The following BTBD9 variants were observed in gnomAD, a reference collection of about 807,000 sequenced individuals.
The protein encoded by BTBD9 is BTB/POZ domain-containing protein 9.
BTBD9 carries 49 observed loss-of-function variants against 64.3 expected under a neutral mutation model. The ratio of observed to expected loss-of-function variants is 0.76; its 90% CI spans 0.61 to 0.97. The LOEUF is 0.97. BTBD9 is among the 50% of genes least tolerant of loss of function. The probability of loss-of-function intolerance (pLI) is 0.00; values close to 1 mark genes in which losing one functional copy is unlikely to be tolerated. For synonymous variants in BTBD9, 260 were observed against 274.7 expected, an observed-to-expected ratio of 0.95 and a Z score of 0.53; for missense variants, 598 against 762.1, an observed-to-expected ratio of 0.78 and a Z score of 2.53.
rs370011866 is a variant in BTBD9 at position 38,213,404 on chromosome 6, T to C, written c.1563-20807A>G. On this transcript the variant is annotated intron_variant, in intron 9 of 10. Transcript: ENST00000481247. The stretch of plus-strand genomic sequence containing the variant: ...GAGTAAAAAAAAAAATGTTTTCCTA[T>C]GATGAAAACCATTGCCCTTAGCACA... Among the ~76,000 whole-genome samples the C allele has an allele frequency of 6.6e-5, 10 of 152,130 alleles. No homozygotes were observed. The East Asian group carries it at 1.5e-3, about 23-fold the overall frequency.
chr6:38,517,823 T>A (rs1442800543), intron 6 of BTBD9, among the ~76,000 whole-genome samples: 1 of 152,182 alleles, frequency 6.6e-6, no homozygotes, highest in Admixed American at 6.5e-5. Context: ...TCCATTTCTT[T>A]GCACCTTCCC....
intron 7 of BTBD9, among the ~76,000 whole-genome samples, chr6:38,337,910 G>A (rs1763956503): frequency 6.6e-6 from 1 of 152,162 alleles, no homozygotes; most frequent in African/African-American, 2.4e-5. Context: ...TAGGAGGAAG[G>A]AAAAAGACAT....
At chr6:38,518,882 T>C (rs1773157993) in intron 6 of BTBD9, among the ~76,000 whole-genome samples, 1 of 152,176 alleles carries the variant, frequency 6.6e-6, no homozygotes, top group South Asian at 2.1e-4. Flanking sequence ...CAAGAGCTTA[T>C]AATCCATTTT....
chr6:38,526,403 A>G (rs1357879045), intron 6 of BTBD9, among the ~76,000 whole-genome samples: 1 of 152,254 alleles, frequency 6.6e-6, no homozygotes, highest in African/African-American at 2.4e-5. Flanking sequence ...CTGCAGGGGC[A>G]GAGCCCTCAT....
chr6:38,508,793 C>T (rs183275585), intron 6 of BTBD9, among the ~76,000 whole-genome samples: 2 of 152,134 alleles, frequency 1.3e-5, no homozygotes, highest in African/African-American at 4.8e-5. Flanking sequence ...TTCTTGCAGT[C>T]CATACATGTT....
chr6:38,298,839 A>G (rs1762264079), intron 7 of BTBD9, among the ~76,000 whole-genome samples: 1 of 150,180 alleles, frequency 6.7e-6, no homozygotes, highest in Non-Finnish European at 1.5e-5. Flanking sequence ...GTTGCTGCAA[A>G]TGAAAGTATT....
chr6:38,566,568 T>C (rs1282307589), intron 6 of BTBD9, among the ~76,000 whole-genome samples: 1 of 152,224 alleles, frequency 6.6e-6, no homozygotes, highest in Non-Finnish European at 1.5e-5. Flanking sequence ...AATATGTTTA[T>C]ACAAAGAATG....
rs1428486267 is a variant in BTBD9 at position 38,465,743 on chromosome 6, ATATATATATATATGTATG to A, written c.1154+111839_1154+111856del. 1.5e-3 allele frequency among the ~76,000 whole-genome samples: 67 copies of A among 45,408 alleles called. 1 individual carries two copies. The highest frequency in any genetic ancestry group is 4.6e-3 in the African/African-American group (61 of 13,150). 29.8% of individuals were successfully genotyped at this position (45,408 alleles called of 152,430 possible). A position where few individuals can be genotyped will look rare whatever the true frequency, so the allele number is the denominator to read the frequency against. ...TATATATATATATATATATATATAT[ATATATATATATATGTATG>A]TATGTATGTATTTCAGTTATTTATT... On this transcript the variant is annotated intron_variant, in intron 6 of 10. Transcript: ENST00000481247.
At chr6:38,474,292 G>A (rs1399590681) in intron 6 of BTBD9, among the ~76,000 whole-genome samples, 5 of 152,140 alleles carry the variant, frequency 3.3e-5, no homozygotes, top group African/African-American at 9.7e-5. Flanking sequence ...GGGAGTTGAC[G>A]TGGGCGGATC....
intron 7 of BTBD9, among the ~76,000 whole-genome samples, chr6:38,333,085 T>C (rs1029082249): frequency 2.0e-5 from 3 of 152,306 alleles, no homozygotes; most frequent in Non-Finnish European, 2.9e-5. Context: ...TGGCTAGTGA[T>C]GGAGTAGAAA....
chr6:38,575,159 T>C (rs1775969504), intron 6 of BTBD9, among the ~76,000 whole-genome samples: 1 of 152,222 alleles, frequency 6.6e-6, no homozygotes, highest in Non-Finnish European at 1.5e-5. Context: ...CACTCATACA[T>C]GTATTAATGA....
intron 6 of BTBD9, among the ~76,000 whole-genome samples, chr6:38,353,254 A>G (rs756306349): frequency 1.3e-5 from 2 of 152,206 alleles, no homozygotes; most frequent in Non-Finnish European, 2.9e-5. Context: ...AGAGGAACTG[A>G]TTTGAATTTC....
At chr6:38,532,585 T>C (rs1773846695) in intron 6 of BTBD9, among the ~76,000 whole-genome samples, 1 of 152,096 alleles carries the variant, frequency 6.6e-6, no homozygotes, top group South Asian at 2.1e-4. Context: ...ACATCTTGGA[T>C]ACCAGCTCAG....
At chr6:38,245,710 G>C (rs928009897) in intron 9 of BTBD9, among the ~76,000 whole-genome samples, 4 of 152,168 alleles carry the variant, frequency 2.6e-5, no homozygotes, top group African/African-American at 9.7e-5. Context: ...GGGAATGTGG[G>C]GGGGTCAGTC....
At chr6:38,526,492 C>A (rs1433221402) in intron 6 of BTBD9, among the ~76,000 whole-genome samples, 3 of 152,202 alleles carry the variant, frequency 2.0e-5, no homozygotes, top group African/African-American at 7.2e-5. Context: ...TGGGGCACTA[C>A]CTAGTGGAGC....
intron 10 of BTBD9, among the ~76,000 whole-genome samples, chr6:38,180,922 A>G (rs1263192963): frequency 3.3e-5 from 5 of 152,206 alleles, no homozygotes; most frequent in African/African-American, 9.7e-5. Flanking sequence ...GCTGCTGTTT[A>G]TGATCACTTT....
At chr6:38,333,540 C>T (rs1361166381) in intron 7 of BTBD9, among the ~76,000 whole-genome samples, 5 of 152,136 alleles carry the variant, frequency 3.3e-5, no homozygotes, top group Non-Finnish European at 7.3e-5. Flanking sequence ...CTCCCCTTTG[C>T]TGTTTTCATG....
At chr6:38,401,687 C>T (rs1473653580) in intron 6 of BTBD9, among the ~76,000 whole-genome samples, 1 of 152,166 alleles carries the variant, frequency 6.6e-6, no homozygotes, top group Non-Finnish European at 1.5e-5. Context: ...CACAAAAAGG[C>T]AGTATGTATA....
chr6:38,595,178 A>G (rs1354059291), intron 2 of BTBD9, among the ~76,000 whole-genome samples: 1 of 152,238 alleles, frequency 6.6e-6, no homozygotes, highest in Admixed American at 6.5e-5. Context: ...GTTTATGCAC[A>G]TATGTCTACA....
Sources: allele counts gnomAD v4.1 joint callset (sites outside exome capture counted in the v4.1 genomes callset), GRCh38; gene constraint gnomAD v4.1.1; transcripts MANE v1.5; gene names NCBI Gene and HGNC (gene_info 2026-07-23, HGNC 2026-07-21).